CDH18: variants seen among roughly 807,000 people sequenced by gnomAD.
CDH18 encodes the protein cadherin-18.
A neutral mutation model predicts 67.9 loss-of-function variants in CDH18; 31 were observed. That is an observed-to-expected ratio of 0.46 (90% CI 0.34 to 0.62). The LOEUF is 0.62. Ranked by LOEUF, CDH18 falls within the 20% of genes least tolerant of loss-of-function variation. The pLI is 0.01. For synonymous variants in CDH18, 362 were observed against 347.2 expected (o/e 1.04, Z -0.48); for missense variants, 890 against 975.5 (o/e 0.91, Z 1.17).
chr5:20,565,542 G>T (rs1254442567), intron 1 of CDH18, among the ~76,000 whole-genome samples: 1 of 151,990 alleles, frequency 6.6e-6, no homozygotes, highest in Admixed American at 6.6e-5. Flanking sequence ...CAACTTGACT[G>T]CTGTGGAGGG....
At chr5:20,560,209 G>T (rs927645647) in intron 1 of CDH18, among the ~76,000 whole-genome samples, 21 of 152,154 alleles carry the variant, frequency 1.4e-4, no homozygotes, top group African/African-American at 4.8e-4. Flanking sequence ...AAAGGGACTT[G>T]TCCTAGAATA....
intron 1 of CDH18, among the ~76,000 whole-genome samples, chr5:20,296,726 A>C (rs1747569027): frequency 6.6e-6 from 1 of 151,820 alleles, no homozygotes; most frequent in African/African-American, 2.4e-5. Flanking sequence ...GTAAAATATT[A>C]AATGTAATTA....
In CDH18 at chr5:20,271,924, CAGAG is replaced by C. The variant is rs201955881; in HGVS notation, c.-579-16423_-579-16420del. The stretch of plus-strand genomic sequence containing the variant: ...ACATCTGCCACTTGCTGTAGAGAGG[CAGAG>C]AGAGAGAGAGAGAGAGAGAGAGATG... On this transcript the variant is annotated intron_variant, in intron 1 of 14. Transcript: ENST00000507958. 9.7e-3 allele frequency among the ~76,000 whole-genome samples: 1,421 copies of C among 146,558 alleles called. 11 individuals are homozygous for C. Among genetic ancestry groups the C allele is most frequent in the African/African-American group, 0.02 (790 of 39,914 alleles).
rs150700584 is a variant in CDH18 at position 20,059,491 on chromosome 5, T to C, written c.-517-67477A>G. 6.6e-3 allele frequency among the ~76,000 whole-genome samples: 1,013 copies of C among 152,336 alleles called. 15 individuals carry two copies. Among genetic ancestry groups the C allele is most frequent in the African/African-American group, 0.023 (968 of 41,576 alleles). On this transcript the variant is annotated intron_variant, in intron 2 of 14. Coordinates refer to the CDH18 transcript ENST00000507958. ...GTGCTATAAATTTCCCTCTAAACAC[T>C]GCTTTAGTTGTCTCAGAGATTCTGT...
rs543650877 is a variant in CDH18, at chr5:20,493,952, A to C, written c.-580+81510T>G. ...ACAAAAACAAAAACAAAAACAGCAA[A>C]AAAAAAACCAGCCTTGTGCAGTGGC... On this transcript the variant is annotated intron_variant, in intron 1 of 14. Coordinates refer to the CDH18 transcript ENST00000507958. Among the ~76,000 whole-genome samples the C allele has an allele frequency of 8.3e-4, 125 of 149,706 alleles. 1 individual carries two copies. The highest frequency in any genetic ancestry group is 3.3e-3 in the East Asian group (17 of 5,152).
At chr5:19,476,445 G>T (rs1386070215) in intron 12 of CDH18, among the ~76,000 whole-genome samples, 1 of 151,942 alleles carries the variant, frequency 6.6e-6, no homozygotes, top group Non-Finnish European at 1.5e-5. Context: ...TTATTTTGGG[G>T]TAAAAAAGGC....
intron 3 of CDH18, among the ~76,000 whole-genome samples, chr5:19,766,573 T>C (rs751154125): frequency 2.6e-5 from 4 of 152,186 alleles, no homozygotes; most frequent in Non-Finnish European, 5.9e-5. Flanking sequence ...AAATTGGAGT[T>C]TGATCCTTTT....
intron 3 of CDH18, among the ~76,000 whole-genome samples, chr5:19,777,961 G>C (rs1301901318): frequency 6.6e-6 from 1 of 152,004 alleles, no homozygotes; most frequent in Non-Finnish European, 1.5e-5. Context: ...AATATGAATA[G>C]CTTTATGCTA....
chr5:20,336,655 A>C, intron 1 of CDH18, among the ~76,000 whole-genome samples: 1 of 136,674 alleles, frequency 7.3e-6, no homozygotes. Flanking sequence ...CCCGGGAGGC[A>C]TAGCTTCTCA....
rs568427445 is a variant in CDH18, at chr5:20,562,743, C to T, written c.-580+12719G>A. ...AGCGTTGTGGAATAAAACATTATTG[C>T]GTAACTTTCTTAATGTAAAATTAAA... On this transcript the variant is annotated intron_variant, in intron 1 of 14. Coordinates refer to the CDH18 transcript ENST00000507958. 7.3e-5 allele frequency among the ~76,000 whole-genome samples: 11 copies of T among 151,636 alleles called. No homozygotes were observed. In the South Asian group the frequency reaches 1.3e-3, roughly 17 times the overall value.
In CDH18 at chr5:20,373,582, T is replaced by C. The variant is rs543452018; in HGVS notation, c.-579-118077A>G. On this transcript the variant is annotated intron_variant, in intron 1 of 14. Coordinates refer to the CDH18 transcript ENST00000507958. ...ACCTCATCTTTTGTAAATTTCAGCATTACTTACATTGGTTTTCAAAGCATT... is the reference window on the plus strand; with the variant it reads ...ACCTCATCTTTTGTAAATTTCAGCACTACTTACATTGGTTTTCAAAGCATT... 3.9e-5 allele frequency among the ~76,000 whole-genome samples: 6 copies of C among 152,214 alleles called. No homozygotes were observed. The East Asian group carries it at 7.7e-4, about 20-fold the overall frequency.
intron 1 of CDH18, among the ~76,000 whole-genome samples, chr5:20,416,209 A>C (rs1463684781): frequency 6.6e-6 from 1 of 152,174 alleles, no homozygotes; most frequent in Non-Finnish European, 1.5e-5. Flanking sequence ...AAATGAACTT[A>C]ATCTTATTGT....
At chr5:19,520,453 G>A (rs1308620956) in intron 10 of CDH18, among the ~76,000 whole-genome samples, 1 of 152,062 alleles carries the variant, frequency 6.6e-6, no homozygotes, top group Non-Finnish European at 1.5e-5. Flanking sequence ...TCATTTTTCT[G>A]AGTTACATTT....
At chr5:19,713,767 T>A (rs1025918198) in intron 5 of CDH18, among the ~76,000 whole-genome samples, 1 of 152,148 alleles carries the variant, frequency 6.6e-6, no homozygotes, top group Non-Finnish European at 1.5e-5. Context: ...AAACCTAATA[T>A]ACCTTTTGAT....
At chr5:20,390,236 T>C (rs1450439546) in intron 1 of CDH18, among the ~76,000 whole-genome samples, 2 of 150,642 alleles carry the variant, frequency 1.3e-5, no homozygotes, top group Non-Finnish European at 3.0e-5. Flanking sequence ...TGCAATCTAC[T>C]CATCTGACAA....
chr5:20,500,336 C>T (rs956023620), intron 1 of CDH18, among the ~76,000 whole-genome samples: 9 of 152,186 alleles, frequency 5.9e-5, no homozygotes, highest in Non-Finnish European at 8.8e-5. Flanking sequence ...GCTTTTGATG[C>T]TCATCTGAAA....
At chr5:19,587,852 G>C (rs78724311) in intron 7 of CDH18, among the ~76,000 whole-genome samples, 15 of 152,018 alleles carry the variant, frequency 9.9e-5, no homozygotes, top group Non-Finnish European at 2.2e-4. Context: ...CATGGAAATA[G>C]CACTGAATCT....
chr5:20,416,321 C>CTGT (rs1400661557), intron 1 of CDH18, among the ~76,000 whole-genome samples: 1 of 151,978 alleles, frequency 6.6e-6, no homozygotes, highest in African/African-American at 2.4e-5. Context: ...ACAGATCAGT[C>CTGT]TGTTCTATTA....
At chr5:20,348,394 A>C in intron 1 of CDH18, among the ~76,000 whole-genome samples, 1 of 152,138 alleles carries the variant, frequency 6.6e-6, no homozygotes, top group East Asian at 1.9e-4. Context: ...CAGCTGAATA[A>C]AATATTTACA....
Sources: allele counts gnomAD v4.1 joint callset (sites outside exome capture counted in the v4.1 genomes callset), GRCh38; gene constraint gnomAD v4.1.1; transcripts MANE v1.5; gene names NCBI Gene and HGNC (gene_info 2026-07-23, HGNC 2026-07-21).